SSTR5: variants seen among roughly 807,000 people sequenced by gnomAD.
The protein encoded by SSTR5 is somatostatin receptor type 5.
In SSTR5, 1 loss-of-function variant was observed where a neutral mutation model predicts 0.3. The ratio of observed to expected loss-of-function variants is 2.98; its 90% CI spans 1.06 to 14.15. The LOEUF (loss-of-function observed/expected upper bound fraction) is 14.15. SSTR5 is among the 30% of genes most tolerant of loss of function. SSTR5 has a pLI of 0.12. For synonymous variants in SSTR5, 256 were observed against 263.1 expected (o/e 0.97, Z 0.26); for missense variants, 516 against 543.2 (o/e 0.95, Z 0.50).
At chr16:1,076,464 C>T (rs1381051548) in intron 1 of SSTR5, among the ~76,000 whole-genome samples, 4 of 150,264 alleles carry the variant, frequency 2.7e-5, no homozygotes, top group Non-Finnish European at 5.9e-5. Flanking sequence ...CTCTGGCTGG[C>T]GTCCCTGCCC....
chr16:1,078,501 G>A, intron 1 of SSTR5: 1 of 344,462 alleles, frequency 2.9e-6, no homozygotes, highest in Non-Finnish European at 5.4e-6. Context: ...GCTCTGAGGG[G>A]CTTCAGGGAG....
intron 1 of SSTR5, chr16:1,078,201 G>A (rs988564762): frequency 6.5e-6 from 1 of 154,010 alleles, no homozygotes; most frequent in Non-Finnish European, 1.4e-5. Flanking sequence ...GTTTACAGAT[G>A]TCTGTCATTG....
In SSTR5 at chr16:1,081,082, T is replaced by C; in HGVS notation, c.*1119T>C. 1 of 470,268 alleles carries C rather than the reference T, an allele frequency of 2.1e-6. No homozygotes were observed. The highest frequency in any genetic ancestry group is 1.6e-5 in the South Asian group (1 of 64,492). 29.1% of individuals were successfully genotyped at this position (470,268 alleles called of 1,614,324 possible). ...GAATCCCGCCGCCTCCCACCTAGAATTGTCCTACCTCCCCCACCCCAAACA... is the reference window on the plus strand; with the variant it reads ...GAATCCCGCCGCCTCCCACCTAGAACTGTCCTACCTCCCCCACCCCAAACA... On this transcript the variant is annotated 3_prime_UTR_variant, in exon 2 of 2. Transcript: ENST00000689027.
Position 1,078,989 on chromosome 16 carries a change from G to T in SSTR5, c.121G>T (p.Val41Leu). ...GPAPSAGARA[V>L]LVPVLYLLVC... Reference sequence around the variant, plus strand: ...GGCGCCCTCGGCAGGGGCCCGGGCGGTGCTGGTGCCCGTGCTGTACCTGCT... The same window carrying T: ...GGCGCCCTCGGCAGGGGCCCGGGCGTTGCTGGTGCCCGTGCTGTACCTGCT... Residue 41 changes from valine (V) to leucine (L), a missense_variant, in exon 2 of 2, where the codon GTG becomes TTG. By Grantham distance (32) the Val-to-Leu change is conservative. Coordinates refer to ENST00000689027, the MANE Select transcript of SSTR5 (RefSeq NM_001172560.3). 1 of 1,592,400 alleles carries T rather than the reference G, an allele frequency of 6.3e-7. No homozygotes were observed. Among genetic ancestry groups the T allele is most frequent in the Non-Finnish European group, 8.5e-7 (1 of 1,171,590 alleles).
At position 1,079,537 on chromosome 16, in the gene SSTR5, C is replaced by T. The variant is rs781380456; in HGVS notation, c.669C>T (p.Leu223=). The T allele has an allele frequency of 1.2e-6, 2 of 1,612,212 alleles. No individual in the cohort carries two copies. Among genetic ancestry groups the T allele is most frequent in the Non-Finnish European group, 1.7e-6 (2 of 1,179,516 alleles). Residue 223 remains leucine, a synonymous_variant, in exon 2 of 2, where the codon CTC becomes CTT. Coordinates refer to ENST00000689027, the MANE Select transcript of SSTR5 (RefSeq NM_001172560.3). The part of the protein sequence containing the change: ...PLLVICLCYL[L]IVVKVRAAGV... Reference sequence around the variant, plus strand: ...TGGTCATCTGCCTGTGCTACCTGCTCATCGTGGTGAAGGTGAGGGCGGCGG... The same window carrying T: ...TGGTCATCTGCCTGTGCTACCTGCTTATCGTGGTGAAGGTGAGGGCGGCGG...
rs755773123 is a variant in SSTR5 at position 1,079,082 on chromosome 16, A to G, written c.214A>G (p.Lys72Glu). 7.4e-6 allele frequency: 12 copies of G among 1,612,608 alleles called. No individual in the cohort carries two copies. Among genetic ancestry groups the G allele is most frequent in the Middle Eastern group, 1.6e-4 (1 of 6,062 alleles). ...IYVVLRFAKM[K>E]TVTNIYILNL... ...CGTGGTGCTGCGCTTCGCCAAGATGAAGACCGTCACCAACATCTACATTCT... is the reference window on the plus strand; with the variant it reads ...CGTGGTGCTGCGCTTCGCCAAGATGGAGACCGTCACCAACATCTACATTCT... The change falls in exon 2 of 2, where the codon AAG becomes GAG. Residue 72 changes from lysine (K) to glutamate (E), a missense_variant. Coordinates refer to ENST00000689027, the MANE Select transcript of SSTR5 (RefSeq NM_001172560.3).
intron 1 of SSTR5, among the ~76,000 whole-genome samples, chr16:1,077,108 C>T (rs574064453): frequency 4.7e-4 from 72 of 152,346 alleles, no homozygotes; most frequent in Non-Finnish European, 7.6e-4. Flanking sequence ...TACCAGATTT[C>T]AGTGGCCTTG....
In SSTR5 at chr16:1,080,241, C is replaced by T. The variant is rs138242705; in HGVS notation, c.*278C>T. 2.7e-4 allele frequency: 120 copies of T among 451,892 alleles called. No individual in the cohort carries two copies. Among genetic ancestry groups the T allele is most frequent in the African/African-American group, 2.2e-3 (111 of 49,634 alleles). The allele number at this position is 451,892 out of a possible 1,614,324, so 28.0% of individuals were successfully genotyped here. On this transcript the variant is annotated 3_prime_UTR_variant, in exon 2 of 2. Coordinates refer to ENST00000689027, the MANE Select transcript of SSTR5 (RefSeq NM_001172560.3). ...GCCATGCCGTGCAAGTGCTCAGGGC[C>T]GCCTCACCCTCCATCTGGCCCCAGC...
In SSTR5 at chr16:1,081,013, T is replaced by A; in HGVS notation, c.*1050T>A. 2.1e-6 allele frequency: 1 copy of A among 470,016 alleles called. No individual in the cohort carries two copies. The highest frequency in any genetic ancestry group is 4.4e-6 in the Non-Finnish European group (1 of 226,560). The allele number at this position is 470,016 out of a possible 1,614,324, so 29.1% of individuals were successfully genotyped here. A position where few individuals can be genotyped will look rare whatever the true frequency, so the allele number is the denominator to read the frequency against. On this transcript the variant is annotated 3_prime_UTR_variant, in exon 2 of 2. Transcript: ENST00000689027. Reference sequence around the variant, plus strand: ...CCCAGGCCACAGCAGACAGCACTGCTGAGAGGCAGCGGCCGCGCGGGTGAC... The same window carrying A: ...CCCAGGCCACAGCAGACAGCACTGCAGAGAGGCAGCGGCCGCGCGGGTGAC...
rs776727074 is a variant in SSTR5, at chr16:1,080,199, G to C, written c.*236G>C. On this transcript the variant is annotated 3_prime_UTR_variant, in exon 2 of 2. Transcript: ENST00000689027. The stretch of plus-strand genomic sequence containing the variant: ...TCCCGGGAGGTAGGGGAGGTGGCCA[G>C]ACCGGTGGGGGGCTCCGCCATGCCG... The C allele has an allele frequency of 3.4e-4, 194 of 567,218 alleles. 1 individual carries two copies. The highest frequency in any genetic ancestry group is 5.4e-4 in the Non-Finnish European group (177 of 325,484). 35.1% of individuals were successfully genotyped at this position (567,218 alleles called of 1,614,324 possible).
rs977694312 is a variant in SSTR5 at position 1,079,721 on chromosome 16, C to T, written c.853C>T (p.Leu285Phe). ...ALPQEPASAG[L>F]YFFVVILSYA... The stretch of plus-strand genomic sequence containing the variant: ...GCCCCAGGAGCCCGCCTCCGCCGGC[C>T]TCTACTTCTTCGTGGTCATCCTCTC... The change falls in exon 2 of 2, where the codon CTC becomes TTC. Residue 285 changes from leucine to phenylalanine, a missense_variant. Coordinates refer to ENST00000689027, the MANE Select transcript of SSTR5 (RefSeq NM_001172560.3). 1.9e-5 allele frequency: 31 copies of T among 1,612,140 alleles called. No individual in the cohort carries two copies. Among genetic ancestry groups the T allele is most frequent in the Non-Finnish European group, 2.5e-5 (29 of 1,179,942 alleles).
intron 1 of SSTR5, among the ~76,000 whole-genome samples, chr16:1,075,247 T>G (rs1212296241): frequency 2.0e-5 from 3 of 152,168 alleles, no homozygotes; most frequent in African/African-American, 7.2e-5. Flanking sequence ...GGTGGAGCAC[T>G]GGGGGCCGCA....
chr16:1,081,114 T>C lies in SSTR5; in HGVS notation c.*1151T>C, dbSNP rs973844377. 4 of 470,136 alleles carry C rather than the reference T, an allele frequency of 8.5e-6. No homozygotes were observed. Among genetic ancestry groups the C allele is most frequent in the South Asian group, 1.6e-5 (1 of 64,480 alleles). 29.1% of individuals were successfully genotyped at this position (470,136 alleles called of 1,614,324 possible). A position where few individuals can be genotyped will look rare whatever the true frequency, so the allele number is the denominator to read the frequency against. ...ACCTCCCCCACCCCAAACACCAGCTTTTCCTGGCGCCCCAGGCCCAGAACG... is the reference window on the plus strand; with the variant it reads ...ACCTCCCCCACCCCAAACACCAGCTCTTCCTGGCGCCCCAGGCCCAGAACG... On this transcript the variant is annotated 3_prime_UTR_variant, in exon 2 of 2. Coordinates refer to ENST00000689027, the MANE Select transcript of SSTR5 (RefSeq NM_001172560.3).
Position 1,081,251 on chromosome 16 carries a change from G to A in SSTR5, c.*1288G>A, listed in dbSNP as rs1293468364. 1 of 401,876 alleles carries A rather than the reference G, an allele frequency of 2.5e-6. No homozygotes were observed. Among genetic ancestry groups the A allele is most frequent in the Non-Finnish European group, 5.2e-6 (1 of 191,156 alleles). The allele number at this position is 401,876 out of a possible 1,614,324, so 24.9% of individuals were successfully genotyped here. The stretch of plus-strand genomic sequence containing the variant: ...TCGGCCTCAGGGACCCCTCTGCCCT[G>A]CCCAGCACTGGCCCCGACCCGTGCT... On this transcript the variant is annotated 3_prime_UTR_variant, in exon 2 of 2. Transcript: ENST00000689027.
intron 1 of SSTR5, among the ~76,000 whole-genome samples, chr16:1,076,306 A>C (rs1178944293): frequency 2.1e-3 from 24 of 11,290 alleles, no homozygotes; most frequent in Admixed American, 2.8e-3. Flanking sequence ...CTCTCTCCCC[A>C]CACCCTGTCT....
chr16:1,075,918 C>CCCCG (rs1960185941), intron 1 of SSTR5, among the ~76,000 whole-genome samples: 1 of 57,280 alleles, frequency 1.7e-5, no homozygotes, highest in African/African-American at 6.9e-5. Context: ...CTCTCTCCCT[C>CCCCG]CCTCTCTCCC....
intron 1 of SSTR5, among the ~76,000 whole-genome samples, chr16:1,075,855 TCTCCCTC>T (rs1960181523): frequency 2.5e-5 from 2 of 79,020 alleles, no homozygotes; most frequent in Admixed American, 1.4e-4. Context: ...TCCCTCTCCC[TCTCCCTC>T]CCTCCCTCTC....
In SSTR5 at chr16:1,078,918, C is replaced by A. The variant is rs760953447; in HGVS notation, c.50C>A (p.Pro17Gln). The change falls in exon 2 of 2, where the codon CCG becomes CAG. Residue 17 changes from proline (P) to glutamine (Q), a missense_variant. Physicochemically the swap from Pro to Gln is moderately conservative, Grantham distance 76. Transcript: ENST00000689027. The stretch of plus-strand genomic sequence containing the variant: ...ACGCCCAGCTGGAACGCCTCCTCCC[C>A]GGGGGCTGCCTCTGGAGGCGGTGAC... ...ASTPSWNASS[P>Q]GAASGGGDNR... is the part of the protein sequence containing the mutation. 1 of 1,603,890 alleles carries A rather than the reference C, an allele frequency of 6.2e-7. No individual in the cohort carries two copies. The highest frequency in any genetic ancestry group is 1.1e-5 in the South Asian group (1 of 90,254).
rs1960360640 is a variant in SSTR5, at chr16:1,080,864, A to G, written c.*901A>G. 1 of 368,278 alleles carries G rather than the reference A, an allele frequency of 2.7e-6. No individual in the cohort carries two copies. The highest frequency in any genetic ancestry group is 5.6e-6 in the Non-Finnish European group (1 of 178,382). The allele number at this position is 368,278 out of a possible 1,614,324, so 22.8% of individuals were successfully genotyped here. On this transcript the variant is annotated 3_prime_UTR_variant, in exon 2 of 2. Transcript: ENST00000689027. ...CCTGCTGCAGGAGGACCTGAGGGTC[A>G]GGGCTTGGAGAGGACAGGGAACCTG...
Sources: allele counts gnomAD v4.1 joint callset (sites outside exome capture counted in the v4.1 genomes callset), GRCh38; gene constraint gnomAD v4.1.1; transcripts MANE v1.5; gene names NCBI Gene and HGNC (gene_info 2026-07-23, HGNC 2026-07-21).